The following PAK5 variants were observed in gnomAD, a reference collection of about 807,000 sequenced individuals.
PAK5 encodes serine/threonine-protein kinase PAK 5.
PAK5 carries 16 observed loss-of-function variants against 65.9 expected under a neutral mutation model. That is an observed-to-expected ratio of 0.24 (90% CI 0.16 to 0.37). PAK5 has a LOEUF of 0.37. Ranked by LOEUF, PAK5 falls within the 10% of genes least tolerant of loss-of-function variation. The pLI is 1.00. For missense variants in PAK5, 785 were observed against 903.9 expected (o/e 0.87, Z 1.69); for synonymous variants, 371 against 354.9 (o/e 1.05, Z -0.51).
intron 6 of PAK5, among the ~76,000 whole-genome samples, chr20:9,560,929 C>G (rs1460140039): frequency 6.6e-6 from 1 of 152,154 alleles, no homozygotes; most frequent in Non-Finnish European, 1.5e-5. Context: ...TTTAGTTGGT[C>G]TGGGGTAGTA....
At chr20:9,605,681 C>T (rs1444811288) in intron 3 of PAK5, among the ~76,000 whole-genome samples, 1 of 152,148 alleles carries the variant, frequency 6.6e-6, no homozygotes, top group Non-Finnish European at 1.5e-5. Context: ...TTAATCCCAA[C>T]ACTTTGTGAG....
At chr20:9,685,518 G>A (rs1314129663) in intron 2 of PAK5, among the ~76,000 whole-genome samples, 5 of 152,126 alleles carry the variant, frequency 3.3e-5, no homozygotes, top group Non-Finnish European at 7.4e-5. Context: ...CTAGAATTTA[G>A]GAGAAATATG....
intron 2 of PAK5, among the ~76,000 whole-genome samples, chr20:9,651,283 A>T: frequency 6.6e-6 from 1 of 152,208 alleles, no homozygotes; most frequent in East Asian, 1.9e-4. Context: ...AGTGGCTTAG[A>T]TCTGTGTCTG....
intron 1 of PAK5, among the ~76,000 whole-genome samples, chr20:9,783,832 A>G (rs1011105163): frequency 6.6e-6 from 1 of 152,320 alleles, no homozygotes; most frequent in Middle Eastern, 3.4e-3. Context: ...TCTGAAGGCC[A>G]AAACAGCTCT....
chr20:9,794,732 G>A (rs938876261), intron 1 of PAK5, among the ~76,000 whole-genome samples: 3 of 151,938 alleles, frequency 2.0e-5, no homozygotes, highest in African/African-American at 7.3e-5. Flanking sequence ...TTGGAAAGTT[G>A]GTCATAAAGA....
chr20:9,543,927 A>G (rs557609738), intron 8 of PAK5, among the ~76,000 whole-genome samples: 1 of 152,168 alleles, frequency 6.6e-6, no homozygotes, highest in African/African-American at 2.4e-5. Flanking sequence ...CTTCACTGTG[A>G]GATGTAAACT....
chr20:9,807,023 C>T (rs935408536), intron 1 of PAK5, among the ~76,000 whole-genome samples: 1 of 152,220 alleles, frequency 6.6e-6, no homozygotes, highest in East Asian at 1.9e-4. Context: ...GAGCACATCA[C>T]TCCAACCTCA....
At chr20:9,558,924 G>T (rs1042507500) in intron 6 of PAK5, among the ~76,000 whole-genome samples, 1 of 152,166 alleles carries the variant, frequency 6.6e-6, no homozygotes, top group African/African-American at 2.4e-5. Flanking sequence ...ACTGCCCAAG[G>T]TTGCGCAGCT....
intron 1 of PAK5, among the ~76,000 whole-genome samples, chr20:9,802,910 G>GTGTGTATATATATATATA (rs142279832): frequency 0.066 from 3,040 of 46,276 alleles, 241 homozygotes; most frequent in African/African-American, 0.12. Flanking sequence ...ATATGTATGT[G>GTGTGTATATATATATATA]TATATATATA....
chr20:9,813,969 T>C (rs2049327301), intron 1 of PAK5, among the ~76,000 whole-genome samples: 1 of 152,140 alleles, frequency 6.6e-6, no homozygotes, highest in Non-Finnish European at 1.5e-5. Context: ...ACCCATATGA[T>C]AGGATAGAGA....
chr20:9,812,298 AC>A (rs750374951), intron 1 of PAK5, among the ~76,000 whole-genome samples: 12 of 152,138 alleles, frequency 7.9e-5, no homozygotes, highest in South Asian at 4.1e-4. Flanking sequence ...CAAAAAAAAA[AC>A]GATGTTTAAA....
In PAK5 at chr20:9,796,382, A is replaced by G. The variant is rs147061340; in HGVS notation, c.-162+42380T>C. 2.2e-4 allele frequency among the ~76,000 whole-genome samples: 34 copies of G among 152,228 alleles called. No individual in the cohort carries two copies. The East Asian group carries it at 6.0e-3, about 27-fold the overall frequency. ...AGGCTGCAAAGAGATGGGAGGCATC[A>G]AAGCAAAGGGAACAACAGACACAAA... On this transcript the variant is annotated intron_variant, in intron 1 of 9. Transcript: ENST00000353224.
chr20:9,813,719 G>T (rs965744821), intron 1 of PAK5, among the ~76,000 whole-genome samples: 1 of 152,122 alleles, frequency 6.6e-6, no homozygotes, highest in Non-Finnish European at 1.5e-5. Context: ...CATAGTGAAT[G>T]AAAGAAGCCA....
intron 2 of PAK5, among the ~76,000 whole-genome samples, chr20:9,684,826 C>A (rs1569039145): frequency 6.6e-6 from 1 of 152,160 alleles, no homozygotes; most frequent in East Asian, 1.9e-4. Flanking sequence ...TAAAAGCTGG[C>A]TGGAAGGCAG....
intron 3 of PAK5, among the ~76,000 whole-genome samples, chr20:9,614,786 G>A (rs897414121): frequency 2.6e-5 from 4 of 152,124 alleles, no homozygotes; most frequent in Admixed American, 1.3e-4. Flanking sequence ...AAAAATTCAG[G>A]GAATTTGATG....
At chr20:9,761,556 A>G (rs1001010244) in intron 1 of PAK5, among the ~76,000 whole-genome samples, 2 of 152,174 alleles carry the variant, frequency 1.3e-5, no homozygotes, top group African/African-American at 2.4e-5. Context: ...GTTAAAATTC[A>G]TATGAAACCA....
At chr20:9,614,842 A>G (rs961148618) in intron 3 of PAK5, among the ~76,000 whole-genome samples, 4 of 152,262 alleles carry the variant, frequency 2.6e-5, no homozygotes, top group Admixed American at 2.6e-4. Flanking sequence ...TATTCAAGGC[A>G]ATAAAAATTG....
At position 9,657,515 on chromosome 20, in the gene PAK5, A is replaced by G. The variant is rs538886337; in HGVS notation, c.-11-13176T>C. Among the ~76,000 whole-genome samples, 4 of 152,330 alleles carry G rather than the reference A, an allele frequency of 2.6e-5. No homozygotes were observed. In the East Asian group the frequency reaches 7.7e-4, roughly 29 times the overall value. ...TTACTAATATTTTTATATTGGTTATATATTAAAGTGGTAAACATTTTAGAT... is the reference window on the plus strand; with the variant it reads ...TTACTAATATTTTTATATTGGTTATGTATTAAAGTGGTAAACATTTTAGAT... On this transcript the variant is annotated intron_variant, in intron 2 of 9. Coordinates refer to ENST00000353224, the MANE Select transcript of PAK5 (RefSeq NM_177990.4).
chr20:9,564,976 G>T (rs1394321986), intron 5 of PAK5, among the ~76,000 whole-genome samples: 1 of 151,354 alleles, frequency 6.6e-6, no homozygotes, highest in Non-Finnish European at 1.5e-5. Flanking sequence ...GTGAAATTTA[G>T]AAAGTCACAG....
Sources: allele counts gnomAD v4.1 joint callset (sites outside exome capture counted in the v4.1 genomes callset), GRCh38; gene constraint gnomAD v4.1.1; transcripts MANE v1.5; gene names NCBI Gene and HGNC (gene_info 2026-07-23, HGNC 2026-07-21).